The following RPAP2 variants were observed in gnomAD, a reference collection of about 807,000 sequenced individuals.
RPAP2 encodes putative RNA polymerase II subunit B1 CTD phosphatase RPAP2.
Under a neutral mutation model 73.1 loss-of-function variants are expected in RPAP2, and 52 were observed. The ratio of observed to expected loss-of-function variants is 0.71; its 90% CI spans 0.57 to 0.90. The LOEUF is 0.90. RPAP2 is among the 40% of genes least tolerant of loss of function. RPAP2 has a pLI of 0.00. For missense variants in RPAP2, 598 were observed against 701.8 expected (o/e 0.85, Z 1.67); for synonymous variants, 225 against 242.1 (o/e 0.93, Z 0.65).
chr1:92,387,184 T>G lies in RPAP2; in HGVS notation c.*173T>G, dbSNP rs547542551. On this transcript the variant is annotated 3_prime_UTR_variant, in exon 13 of 13. Transcript: ENST00000610020. ...TCCTTCAGTCCCCAACTGCAGAGGA[T>G]GACCTCCCCAGATAGAGGAGAATCA... The G allele has an allele frequency of 8.1e-6, 4 of 494,180 alleles. No individual in the cohort carries two copies. The highest frequency in any genetic ancestry group is 1.4e-5 in the Non-Finnish European group (4 of 283,970). 30.6% of individuals were successfully genotyped at this position (494,180 alleles called of 1,614,324 possible). A position where few individuals can be genotyped will look rare whatever the true frequency, so the allele number is the denominator to read the frequency against.
intron 11 of RPAP2, among the ~76,000 whole-genome samples, chr1:92,374,039 G>A (rs1052123567): frequency 6.6e-6 from 1 of 152,190 alleles, no homozygotes; most frequent in Non-Finnish European, 1.5e-5. Flanking sequence ...TGATTGTGCT[G>A]TTGTAGCATG....
chr1:92,342,191 G>A (rs971300837), intron 10 of RPAP2, among the ~76,000 whole-genome samples: 1 of 152,310 alleles, frequency 6.6e-6, no homozygotes. Context: ...TTAATAGGCT[G>A]GTTAAGGAAG....
At chr1:92,370,792 T>A (rs1219767333) in intron 11 of RPAP2, among the ~76,000 whole-genome samples, 1 of 152,138 alleles carries the variant, frequency 6.6e-6, no homozygotes, top group Non-Finnish European at 1.5e-5. Context: ...CCAAAACAGT[T>A]GAGTCTTCAT....
At chr1:92,385,718 A>G (rs1221108826) in intron 12 of RPAP2, among the ~76,000 whole-genome samples, 1 of 152,198 alleles carries the variant, frequency 6.6e-6, no homozygotes, top group Non-Finnish European at 1.5e-5. Context: ...ATATTAGTTA[A>G]CTTTTGTTAC....
intron 11 of RPAP2, among the ~76,000 whole-genome samples, chr1:92,358,557 T>C (rs1403302178): frequency 2.0e-5 from 3 of 152,194 alleles, no homozygotes; most frequent in Non-Finnish European, 4.4e-5. Flanking sequence ...CTTGTCTCAC[T>C]GTACTTAAAA....
At chr1:92,312,601 G>A (rs929214706) in intron 6 of RPAP2, among the ~76,000 whole-genome samples, 3 of 152,072 alleles carry the variant, frequency 2.0e-5, no homozygotes, top group East Asian at 1.9e-4. Context: ...CTGTATATCC[G>A]TTCAAGTTGG....
chr1:92,323,161 G>A (rs1277349671), intron 7 of RPAP2, among the ~76,000 whole-genome samples: 1 of 149,526 alleles, frequency 6.7e-6, no homozygotes, highest in Non-Finnish European at 1.5e-5. Flanking sequence ...AAGTTTTGCT[G>A]TACTCCTGTA....
At chr1:92,384,463 A>C (rs192886585) in intron 12 of RPAP2, among the ~76,000 whole-genome samples, 5 of 151,144 alleles carry the variant, frequency 3.3e-5, no homozygotes, top group Admixed American at 3.3e-4. Flanking sequence ...GTCTCTACTA[A>C]AAATACAAAA....
Position 92,392,134 on chromosome 1 carries a change from A to G in RPAP2, c.*5123A>G, listed in dbSNP as rs1488854994. On this transcript the variant is annotated 3_prime_UTR_variant, in exon 13 of 13. Transcript: ENST00000610020. ...ATGAACATCGATGCGAAAATCCTCA[A>G]TAAAATACTGGCAAACCGAATCCAG... 2 of 152,250 alleles carry G rather than the reference A, an allele frequency of 1.3e-5. No homozygotes were observed. Among genetic ancestry groups the G allele is most frequent in the East Asian group, 1.9e-4 (1 of 5,200 alleles). 9.4% of individuals were successfully genotyped at this position (152,250 alleles called of 1,614,324 possible).
chr1:92,379,158 T>A (rs932956068), intron 11 of RPAP2, among the ~76,000 whole-genome samples: 2 of 152,248 alleles, frequency 1.3e-5, no homozygotes, highest in African/African-American at 4.8e-5. Context: ...AGAAAACACT[T>A]ACATTTCACA....
chr1:92,353,944 G>A (rs1214506992), intron 11 of RPAP2, among the ~76,000 whole-genome samples: 1 of 152,046 alleles, frequency 6.6e-6, no homozygotes. Flanking sequence ...TATATCTTTG[G>A]CAGTTTTATA....
At chr1:92,334,362 A>G (rs1236556712) in intron 9 of RPAP2, among the ~76,000 whole-genome samples, 1 of 152,136 alleles carries the variant, frequency 6.6e-6, no homozygotes, top group East Asian at 1.9e-4. Flanking sequence ...AAAAGTGTTT[A>G]TTTCAGAGTA....
intron 7 of RPAP2, among the ~76,000 whole-genome samples, chr1:92,323,147 T>C (rs6693801): frequency 6.7e-6 from 1 of 149,376 alleles, no homozygotes; most frequent in Non-Finnish European, 1.5e-5. Context: ...TCAAGTTTTT[T>C]AAAAAGTTTT....
chr1:92,373,928 ATAAT>A lies in RPAP2; in HGVS notation c.1689-6792_1689-6789del, dbSNP rs1159532866. Among the ~76,000 whole-genome samples the A allele has an allele frequency of 3.9e-5, 6 of 152,012 alleles. No homozygotes were observed. In the East Asian group the frequency reaches 5.8e-4, roughly 15 times the overall value. ...GAGCAAAACTTGGTCTCAAAAAAAA[ATAAT>A]TAAAGCTGTATGTAATAGTACAGGG... is the stretch of plus-strand genomic sequence containing the variant. On this transcript the variant is annotated intron_variant, in intron 11 of 12. Transcript: ENST00000610020.
chr1:92,379,040 C>A (rs1655506296), intron 11 of RPAP2, among the ~76,000 whole-genome samples: 1 of 152,196 alleles, frequency 6.6e-6, no homozygotes, highest in Non-Finnish European at 1.5e-5. Context: ...GAGAATTTCC[C>A]ACCTCCTCTG....
intron 8 of RPAP2, among the ~76,000 whole-genome samples, chr1:92,326,980 T>C (rs1249116921): frequency 6.6e-6 from 1 of 152,236 alleles, no homozygotes; most frequent in Non-Finnish European, 1.5e-5. Flanking sequence ...GACTTCCTGT[T>C]CATTTGGAAT....
At chr1:92,325,099 T>C (rs1652549825) in intron 8 of RPAP2, among the ~76,000 whole-genome samples, 1 of 152,176 alleles carries the variant, frequency 6.6e-6, no homozygotes, top group Non-Finnish European at 1.5e-5. Flanking sequence ...TATGTAGAGA[T>C]TGAAAATGTG....
intron 11 of RPAP2, among the ~76,000 whole-genome samples, chr1:92,362,866 A>G (rs1268651162): frequency 6.6e-6 from 1 of 152,176 alleles, no homozygotes; most frequent in East Asian, 1.9e-4. Flanking sequence ...TATAACTAGT[A>G]TTATTCTGGT....
intron 11 of RPAP2, among the ~76,000 whole-genome samples, chr1:92,377,067 A>G (rs1452745639): frequency 6.6e-6 from 1 of 152,210 alleles, no homozygotes; most frequent in Non-Finnish European, 1.5e-5. Flanking sequence ...ACTATAATTG[A>G]TAAAAAGAGC....
Sources: gnomAD v4.1 joint callset for allele counts (sites outside exome capture counted in the v4.1 genomes callset) on GRCh38, gnomAD v4.1.1 for gene constraint, MANE v1.5 for transcripts, NCBI Gene and HGNC (gene_info 2026-07-23, HGNC 2026-07-21) for gene names.